CENPK: variants seen among roughly 807,000 people sequenced by gnomAD.
The protein encoded by CENPK is centromere protein K, also known as SoxLZ/Sox6-binding protein Solt.
Under a neutral mutation model 40.9 loss-of-function variants are expected in CENPK, and 46 were observed. The observed-to-expected ratio is 1.13, with a 90% confidence interval of 0.89 to 1.44. The LOEUF is 1.44. Among genes scored for constraint, CENPK ranks in the 40% most tolerant of loss-of-function variants. The probability of loss-of-function intolerance (pLI) is 0.00; values close to 1 mark genes in which losing one functional copy is unlikely to be tolerated. For missense variants in CENPK, 288 were observed against 303.5 expected (o/e 0.95, Z 0.38); for synonymous variants, 107 against 104.4 (o/e 1.02, Z -0.15).
In CENPK at chr5:65,523,474, A is replaced by C. The variant is rs186265519; in HGVS notation, c.598-1946T>G. Among the ~76,000 whole-genome samples the C allele has an allele frequency of 4.3e-3, 356 of 82,976 alleles. 2 individuals are homozygous for C. The highest frequency in any genetic ancestry group is 0.012 in the African/African-American group (342 of 28,260). The allele number at this position is 82,976 out of a possible 152,430, so 54.4% of individuals were successfully genotyped here. On this transcript the variant is annotated intron_variant, in intron 9 of 10. Transcript: ENST00000396679. ...ATACAAATATATTAAACAAATAGTA[A>C]AATAACACTAACAAAATATGTATGA...
rs138789473 is a variant in CENPK at position 65,541,046 on chromosome 5, C to T, written c.288+1756G>A. Reference sequence around the variant, plus strand: ...CCATATTGCCCAGGCTGGTCTTGAACACTTAGGCTCAAGTGATCCATCCTC... The same window carrying T: ...CCATATTGCCCAGGCTGGTCTTGAATACTTAGGCTCAAGTGATCCATCCTC... On this transcript the variant is annotated intron_variant, in intron 6 of 10. Coordinates refer to ENST00000396679, the MANE Select transcript of CENPK (RefSeq NM_022145.5). Among the ~76,000 whole-genome samples the T allele has an allele frequency of 9.3e-3, 1,414 of 152,178 alleles. 6 individuals are homozygous for T. Among genetic ancestry groups the T allele is most frequent in the Non-Finnish European group, 0.014 (960 of 67,986 alleles).
chr5:65,508,835 A>AT, the CENPK span, among the ~76,000 whole-genome samples: 190 of 152,098 alleles, frequency 1.2e-3, 1 homozygote, highest in Middle Eastern at 0.031. Context: ...CTGGGAGAAA[A>AT]TGTTGTGCAT....
the CENPK span, among the ~76,000 whole-genome samples, chr5:65,508,786 T>TAAAA: frequency 1.2e-5 from 1 of 85,968 alleles, no homozygotes; most frequent in African/African-American, 4.5e-5. Flanking sequence ...AGACTCCATC[T>TAAAA]AAAAAAAAAA....
intron 2 of CENPK, among the ~76,000 whole-genome samples, chr5:65,555,664 C>T (rs961428330): frequency 1.3e-5 from 2 of 152,162 alleles, no homozygotes; most frequent in African/African-American, 4.8e-5. Context: ...ATAGAAGCAG[C>T]ACAGAATGTC....
intron 2 of CENPK, chr5:65,561,215 G>A (rs1428755500): frequency 7.9e-6 from 2 of 254,508 alleles, no homozygotes; most frequent in Non-Finnish European, 1.6e-5. Flanking sequence ...ATAAGATACA[G>A]TTTAAGTTCA....
chr5:65,527,650 CTTACA>C (rs1744968800), intron 9 of CENPK, among the ~76,000 whole-genome samples: 2 of 150,360 alleles, frequency 1.3e-5, no homozygotes, highest in South Asian at 2.1e-4. Context: ...TAGTCAATAA[CTTACA>C]TTAATCTGTA....
chr5:65,500,287 A>G, the CENPK span, among the ~76,000 whole-genome samples: 16 of 110,452 alleles, frequency 1.4e-4, no homozygotes, highest in East Asian at 2.1e-3. Context: ...TCCCACCAAC[A>G]GTGTAAAAGT....
chr5:65,542,920 C>T (rs747478567), intron 5 of CENPK, 72 bp from the exon 6 acceptor site: 119 of 1,383,760 alleles, frequency 8.6e-5, no homozygotes, highest in Non-Finnish European at 1.0e-4. Context: ...TTTAATTTTG[C>T]GGTTTTCTAA....
At chr5:65,539,236 A>T (rs1414029011) in intron 6 of CENPK, among the ~76,000 whole-genome samples, 2 of 152,224 alleles carry the variant, frequency 1.3e-5, no homozygotes. Context: ...CCATCCCAAT[A>T]GCCACAAAAG....
rs569909912 is a variant in CENPK, at chr5:65,554,998, C to T, written c.-39-52G>A. The T allele has an allele frequency of 4.8e-4, 377 of 787,000 alleles. 7 individuals carry two copies. The South Asian group carries it at 5.3e-3, about 11-fold the overall frequency. The allele number at this position is 787,000 out of a possible 1,614,324, so 48.8% of individuals were successfully genotyped here. ...AGCAGTATTGGTTGAACACTTATTA[C>T]CTGCCAGATACTCATCTAGGGGGTA... is the stretch of plus-strand genomic sequence containing the variant. On this transcript the variant is annotated intron_variant, in intron 2 of 10. Coordinates refer to ENST00000396679, the MANE Select transcript of CENPK (RefSeq NM_022145.5).
chr5:65,522,217 T>C (rs1743895523), intron 9 of CENPK, among the ~76,000 whole-genome samples: 1 of 152,200 alleles, frequency 6.6e-6, no homozygotes, highest in African/African-American at 2.4e-5. Flanking sequence ...TATAGGAAAC[T>C]TGCTCTTATG....
At position 65,545,322 on chromosome 5, in the gene CENPK, GCGCACA is replaced by G. The variant is rs1474040641; in HGVS notation, c.242-2480_242-2475del. On this transcript the variant is annotated intron_variant, in intron 5 of 10. Transcript: ENST00000396679. ...AAGACAAAGAAAAAGTCCTCAAAGC[GCGCACA>G]CACACACACACACACACACACACAC... 8.8e-3 allele frequency among the ~76,000 whole-genome samples: 1,167 copies of G among 133,170 alleles called. 81 individuals carry two copies. Among genetic ancestry groups the G allele is most frequent in the African/African-American group, 0.032 (1,016 of 32,104 alleles). The allele number at this position is 133,170 out of a possible 152,430, so 87.4% of individuals were successfully genotyped here.
intron 6 of CENPK, among the ~76,000 whole-genome samples, chr5:65,534,050 CAA>C (rs60018569): frequency 5.5e-5 from 5 of 90,986 alleles, no homozygotes; most frequent in Non-Finnish European, 8.0e-5. Flanking sequence ...ACCGTCTCAA[CAA>C]AAAAAAAAAA....
At chr5:65,516,083 A>G (rs1331247421), downstream of CENPK, among the ~76,000 whole-genome samples, 1 of 152,170 alleles carries the variant, frequency 6.6e-6, no homozygotes, top group African/African-American at 2.4e-5. Context: ...TAACCTTAAT[A>G]TCTTCCAAGA....
chr5:65,524,061 G>A (rs1379232634), intron 9 of CENPK, among the ~76,000 whole-genome samples: 1 of 152,070 alleles, frequency 6.6e-6, no homozygotes, highest in Non-Finnish European at 1.5e-5. Context: ...CAAACCAAGC[G>A]AAGGATTAAA....
At chr5:65,498,750 T>A in the CENPK span, among the ~76,000 whole-genome samples, 2 of 151,336 alleles carry the variant, frequency 1.3e-5, no homozygotes, top group African/African-American at 4.9e-5. Flanking sequence ...CTCAAATTCC[T>A]GGGTCAGGCA....
chr5:65,546,285 C>T (rs1397570531), intron 5 of CENPK, among the ~76,000 whole-genome samples: 2 of 152,148 alleles, frequency 1.3e-5, no homozygotes, highest in Non-Finnish European at 1.5e-5. Context: ...GGATTACAGA[C>T]GTGAGCCACC....
At chr5:65,498,480 T>A in the CENPK span, among the ~76,000 whole-genome samples, 1 of 152,076 alleles carries the variant, frequency 6.6e-6, no homozygotes, top group Non-Finnish European at 1.5e-5. Flanking sequence ...TCTTAAATAT[T>A]TCCTCTACAT....
At chr5:65,515,364 G>A (rs994732662), downstream of CENPK, among the ~76,000 whole-genome samples, 4 of 151,772 alleles carry the variant, frequency 2.6e-5, no homozygotes, top group Admixed American at 6.6e-5. Context: ...CATCACGCCC[G>A]GCTAATTTTT....
Sources: allele counts gnomAD v4.1 joint callset (sites outside exome capture counted in the v4.1 genomes callset), GRCh38; gene constraint gnomAD v4.1.1; transcripts MANE v1.5; gene names NCBI Gene and HGNC (gene_info 2026-07-23, HGNC 2026-07-21).